TRIM16: variants seen among roughly 807,000 people sequenced by gnomAD.
The protein encoded by TRIM16 is tripartite motif containing 16, also known as tripartite motif-containing protein 16.
TRIM16 carries 33 observed loss-of-function variants against 50.4 expected under a neutral mutation model. The observed-to-expected ratio is 0.65, with a 90% CI of 0.50 to 0.88. The LOEUF is 0.88. Ranked by LOEUF, TRIM16 falls within the 40% of genes least tolerant of loss-of-function variation. TRIM16 has a pLI of 0.00. For synonymous variants in TRIM16, 229 were observed against 270.7 expected (o/e 0.85, Z 1.51); for missense variants, 581 against 686.8 (o/e 0.85, Z 1.72).
intron 8 of TRIM16, among the ~76,000 whole-genome samples, chr17:15,638,082 T>C (rs556207030): frequency 1.6e-5 from 2 of 128,616 alleles, no homozygotes; most frequent in Non-Finnish European, 3.3e-5. Context: ...CACTCCCTAA[T>C]CTCAAGTAAT....
intron 6 of TRIM16, among the ~76,000 whole-genome samples, chr17:15,663,451 C>G (rs565388234): frequency 1.7e-4 from 26 of 152,190 alleles, no homozygotes; most frequent in Non-Finnish European, 3.1e-4. Context: ...TCTAATTTGA[C>G]TGATATTTCT....
chr17:15,632,500 G>A lies in TRIM16; in HGVS notation c.1015+9C>T, dbSNP rs758035564. The A allele has an allele frequency of 6.2e-7, 1 of 1,609,112 alleles. No individual in the cohort carries two copies. The highest frequency in any genetic ancestry group is 2.2e-5 in the East Asian group (1 of 44,862). ...CTCACTATAGTCCATGGCCCAGAAT[G>A]CGTCTCACCTTCCTTGGAAAACTCC... On this transcript the variant is annotated intron_variant, in intron 10 of 11. Transcript: ENST00000649191.
At chr17:15,647,012 G>T (rs558123714) in intron 7 of TRIM16, among the ~76,000 whole-genome samples, 3 of 151,558 alleles carry the variant, frequency 2.0e-5, no homozygotes, top group Non-Finnish European at 1.5e-5. Context: ...TGTCACCCAG[G>T]CTGGAGTGCA....
intron 6 of TRIM16, among the ~76,000 whole-genome samples, chr17:15,653,896 C>T (rs1224705614): frequency 6.6e-6 from 1 of 152,116 alleles, no homozygotes; most frequent in African/African-American, 2.4e-5. Flanking sequence ...TTCCAGGGTA[C>T]CTGAACCCCA....
At chr17:15,667,238 A>G (rs1988537517) in intron 6 of TRIM16, among the ~76,000 whole-genome samples, 1 of 152,164 alleles carries the variant, frequency 6.6e-6, no homozygotes, top group Non-Finnish European at 1.5e-5. Flanking sequence ...GCAATGATGC[A>G]GGAGCAATAG....
rs558444873 is a variant in TRIM16 at position 15,633,964 on chromosome 17, G to A, written c.850-1290C>T. On this transcript the variant is annotated intron_variant, in intron 9 of 11. Coordinates refer to ENST00000649191, the MANE Select transcript of TRIM16 (RefSeq NM_001348119.1). The stretch of plus-strand genomic sequence containing the variant: ...AATCCCAGCACTTTGGGGGGCCGAG[G>A]TGGGTGGATCACGAGGTCAGGAGTT... 1.4e-4 allele frequency among the ~76,000 whole-genome samples: 21 copies of A among 148,498 alleles called. 1 individual carries two copies. Among genetic ancestry groups the A allele is most frequent in the African/African-American group, 4.5e-4 (18 of 40,184 alleles).
intron 11 of TRIM16, among the ~76,000 whole-genome samples, chr17:15,631,079 T>C (rs1452940315): frequency 1.3e-5 from 2 of 152,012 alleles, no homozygotes; most frequent in Non-Finnish European, 2.9e-5. Flanking sequence ...CAATGAGTTA[T>C]GCAATTCTGG....
At chr17:15,647,816 TACACACAC>T (rs558765410) in intron 7 of TRIM16, among the ~76,000 whole-genome samples, 2,587 of 139,208 alleles carry the variant, frequency 0.019, 88 homozygotes, top group African/African-American at 0.068. Context: ...CCAGATTTCA[TACACACAC>T]ACACACACAC....
intron 6 of TRIM16, among the ~76,000 whole-genome samples, chr17:15,660,233 T>C (rs1345219605): frequency 6.6e-6 from 1 of 152,158 alleles, no homozygotes; most frequent in Non-Finnish European, 1.5e-5. Context: ...AAAAGCATTG[T>C]TCATTCAAGG....
chr17:15,628,907 C>T lies in TRIM16; in HGVS notation c.1403G>A (p.Ser468Asn), dbSNP rs150021866. 1.2e-6 allele frequency: 2 copies of T among 1,614,250 alleles called. No homozygotes were observed. The highest frequency in any genetic ancestry group is 8.5e-7 in the Non-Finnish European group (1 of 1,180,054). Residue 468 changes from serine to asparagine, a missense_variant, in exon 12 of 12, where the codon AGC (serine) becomes AAC (asparagine). Ser to Asn is a conservative substitution (Grantham distance 46). This residue lies in a region of TRIM16 where 115 missense variants were observed against 106.7 expected (regional missense o/e 1.08). Coordinates refer to ENST00000649191, the MANE Select transcript of TRIM16 (RefSeq NM_001348119.1). ...GAACTCCTTCCCGTTCCATTGGAGG[C>T]TCCAGGAGAAGTTGTTTCCGGAAAT... Reference protein sequence around the residue: ...SCISGNNFSWSLQWNGKEFTA... With the variant: ...SCISGNNFSWNLQWNGKEFTA...
intron 8 of TRIM16, among the ~76,000 whole-genome samples, chr17:15,637,165 G>C (rs1986817218): frequency 7.0e-6 from 1 of 143,506 alleles, no homozygotes; most frequent in Non-Finnish European, 1.5e-5. Context: ...ATCCGGGAGG[G>C]AGGTGGGGGG....
In TRIM16 at chr17:15,638,762, A is replaced by AGGAAAGGACTC. The variant is rs1986976123; in HGVS notation, c.616-2504_616-2494dup. 6.1e-5 allele frequency among the ~76,000 whole-genome samples: 9 copies of AGGAAAGGACTC among 148,028 alleles called. No homozygotes were observed. In the South Asian group the frequency reaches 2.0e-3, roughly 33 times the overall value. On this transcript the variant is annotated intron_variant, in intron 8 of 11. Coordinates refer to ENST00000649191, the MANE Select transcript of TRIM16 (RefSeq NM_001348119.1). ...CCAGATCAAAAAGGGGAGCACAGTA[A>AGGAAAGGACTC]GGAAAGGACTCAGAAAGGATGGGAT...
Position 15,629,125 on chromosome 17 carries a change from G to A in TRIM16, c.1185C>T (p.Val395=), listed in dbSNP as rs1282372244. The change falls in exon 12 of 12, where the codon GTC becomes GTT. Residue 395 remains valine, a synonymous_variant. Coordinates refer to ENST00000649191, the MANE Select transcript of TRIM16 (RefSeq NM_001348119.1). ...GATGCTCCCAGGGCGTGGTGTTGGT[G>A]ACCTTGCGGTTCTCCTCCTGCAGCC... is the stretch of plus-strand genomic sequence containing the variant. The part of the protein sequence containing the change: ...YLRLQEENRK[V]TNTTPWEHPY... 1.9e-6 allele frequency: 3 copies of A among 1,613,256 alleles called. No homozygotes were observed. In the African/African-American group the frequency reaches 4.0e-5, roughly 22 times the overall value.
At chr17:15,642,092 C>T (rs1264809207) in intron 8 of TRIM16, among the ~76,000 whole-genome samples, 2 of 148,920 alleles carry the variant, frequency 1.3e-5, no homozygotes, top group Non-Finnish European at 3.0e-5. Context: ...GATCCACCCA[C>T]TTCAGCCTCT....
Position 15,662,073 on chromosome 17 carries a change from T to C in TRIM16, c.-337-10127A>G, listed in dbSNP as rs115432774. On this transcript the variant is annotated intron_variant, in intron 6 of 11. Coordinates refer to ENST00000649191, the MANE Select transcript of TRIM16 (RefSeq NM_001348119.1). ...GCACTCCAGCTCCCAGGATGGGCTC[T>C]GTTTATCTGCACCAGACTTGGTTAC... Among the ~76,000 whole-genome samples, 144 of 152,366 alleles carry C rather than the reference T, an allele frequency of 9.5e-4. 1 individual carries two copies. The highest frequency in any genetic ancestry group is 3.4e-3 in the African/African-American group (140 of 41,584).
chr17:15,657,457 T>G (rs1279827432), intron 6 of TRIM16, among the ~76,000 whole-genome samples: 2 of 152,226 alleles, frequency 1.3e-5, no homozygotes, highest in African/African-American at 4.8e-5. Context: ...TTCACACTGT[T>G]GTGCAGTTGT....
At chr17:15,664,267 A>G (rs1457576174) in intron 6 of TRIM16, among the ~76,000 whole-genome samples, 2 of 152,216 alleles carry the variant, frequency 1.3e-5, no homozygotes, top group Non-Finnish European at 1.5e-5. Context: ...GCAGGACTGG[A>G]CGTAGCCTTA....
intron 9 of TRIM16, among the ~76,000 whole-genome samples, chr17:15,633,329 G>C (rs1986527290): frequency 6.6e-6 from 1 of 150,808 alleles, no homozygotes; most frequent in Admixed American, 6.6e-5. Flanking sequence ...AAAATGATTA[G>C]ATAGAGCCAT....
intron 7 of TRIM16, among the ~76,000 whole-genome samples, chr17:15,647,035 C>T (rs1344799533): frequency 1.3e-5 from 2 of 151,090 alleles, no homozygotes; most frequent in African/African-American, 2.4e-5. Flanking sequence ...GGCGCGATCT[C>T]GGTTCACTGC....
Sources: gnomAD v4.1 joint callset for allele counts (sites outside exome capture counted in the v4.1 genomes callset) on GRCh38, gnomAD v4.1.1 for gene constraint, gnomAD v4.1.1 regional missense constraint, MANE v1.5 for transcripts, NCBI Gene and HGNC (gene_info 2026-07-23, HGNC 2026-07-21) for gene names.